MIPEP: variants seen among roughly 807,000 people sequenced by gnomAD.
MIPEP encodes mitochondrial intermediate peptidase.
Under a neutral mutation model 90.3 loss-of-function variants are expected in MIPEP, and 79 were observed. The ratio of observed to expected loss-of-function variants is 0.87; its 90% confidence interval spans 0.73 to 1.05. MIPEP has a LOEUF of 1.05. Ranked by LOEUF, MIPEP falls within the 50% of genes least tolerant of loss-of-function variation. The probability of loss-of-function intolerance (pLI) is 0.00; values close to 1 mark genes in which losing one functional copy is unlikely to be tolerated. For synonymous variants in MIPEP, 334 were observed against 315.8 expected, an observed-to-expected ratio of 1.06 and a Z score of -0.61; for missense variants, 940 against 905.6, an observed-to-expected ratio of 1.04 and a Z score of -0.49.
chr13:23,785,963 A>G (rs529483865), intron 16 of MIPEP, among the ~76,000 whole-genome samples: 6 of 152,348 alleles, frequency 3.9e-5, no homozygotes, highest in Admixed American at 3.9e-4. Flanking sequence ...TCACGTCTGT[A>G]ATCCTAGCAC....
intron 16 of MIPEP, among the ~76,000 whole-genome samples, chr13:23,788,873 C>G (rs7987580): frequency 0.16 from 23,793 of 152,164 alleles, 1,994 homozygotes; most frequent in South Asian, 0.23. Flanking sequence ...ACAAATTTAT[C>G]CTTTTATGAA....
chr13:23,827,140 G>A (rs1566008042), intron 14 of MIPEP, among the ~76,000 whole-genome samples: 1 of 142,544 alleles, frequency 7.0e-6, no homozygotes, highest in Non-Finnish European at 1.5e-5. Context: ...GGGAGTAGTG[G>A]CCCAGGAACC....
At chr13:23,755,234 G>C (rs552252168) in intron 18 of MIPEP, among the ~76,000 whole-genome samples, 1 of 152,246 alleles carries the variant, frequency 6.6e-6, no homozygotes, top group Non-Finnish European at 1.5e-5. Flanking sequence ...CTCCAAAAGA[G>C]CAGGATGTTT....
intron 14 of MIPEP, among the ~76,000 whole-genome samples, chr13:23,822,165 G>A (rs866571300): frequency 6.6e-6 from 1 of 152,156 alleles, no homozygotes; most frequent in Non-Finnish European, 1.5e-5. Context: ...TGGTAGAAAT[G>A]TTGTTTCTAC....
intron 18 of MIPEP, among the ~76,000 whole-genome samples, chr13:23,737,165 G>A (rs954609557): frequency 1.3e-5 from 2 of 152,178 alleles, no homozygotes; most frequent in African/African-American, 2.4e-5. Context: ...AAGCAGTCAC[G>A]ACTGTGCCCA....
At chr13:23,763,304 T>C (rs1952566246) in intron 16 of MIPEP, among the ~76,000 whole-genome samples, 1 of 152,228 alleles carries the variant, frequency 6.6e-6, no homozygotes, top group South Asian at 2.1e-4. Flanking sequence ...GAATACAGCC[T>C]GCTGTTTTAA....
At chr13:23,775,381 T>G (rs1285402294) in intron 16 of MIPEP, among the ~76,000 whole-genome samples, 3 of 152,192 alleles carry the variant, frequency 2.0e-5, no homozygotes, top group Non-Finnish European at 2.9e-5. Context: ...ATGTCAGCTG[T>G]GGGCTTTTTC....
intron 16 of MIPEP, 61 bp from the exon 17 acceptor site, chr13:23,760,278 CAT>C (rs1171726420): frequency 1.2e-6 from 2 of 1,608,560 alleles, no homozygotes; most frequent in East Asian, 4.5e-5. Flanking sequence ...GAGAATATCA[CAT>C]GTGAGAACAC....
intron 16 of MIPEP, chr13:23,760,689 T>G (rs1421210285): frequency 1.1e-5 from 5 of 458,478 alleles, no homozygotes; most frequent in African/African-American, 8.0e-5. Flanking sequence ...TTCTGTTGTT[T>G]AAGCCACATA....
intron 14 of MIPEP, among the ~76,000 whole-genome samples, chr13:23,827,748 A>G (rs1868531989): frequency 6.6e-6 from 1 of 152,190 alleles, no homozygotes; most frequent in Non-Finnish European, 1.5e-5. Context: ...CCTGGCCAAC[A>G]TGGTAAAACC....
chr13:23,749,156 CT>C (rs1204657404), intron 18 of MIPEP, among the ~76,000 whole-genome samples: 2 of 152,104 alleles, frequency 1.3e-5, no homozygotes, highest in South Asian at 2.1e-4. Flanking sequence ...CTGTGTATAC[CT>C]TTTGACAACA....
At chr13:23,814,538 G>C (rs1244475237) in intron 14 of MIPEP, among the ~76,000 whole-genome samples, 1 of 152,158 alleles carries the variant, frequency 6.6e-6, no homozygotes, top group Non-Finnish European at 1.5e-5. Context: ...TGGGATTACA[G>C]GTGTGAGCCA....
intron 14 of MIPEP, among the ~76,000 whole-genome samples, chr13:23,836,038 A>C (rs1869025163): frequency 1.3e-5 from 2 of 152,220 alleles, no homozygotes; most frequent in South Asian, 4.1e-4. Flanking sequence ...GCTATTTTTC[A>C]ACACATGACT....
chr13:23,804,155 A>T (rs1953079562), intron 16 of MIPEP, among the ~76,000 whole-genome samples: 1 of 152,230 alleles, frequency 6.6e-6, no homozygotes. Context: ...GATTACAGAG[A>T]AGAAATCTGG....
At chr13:23,826,534 T>C (rs775468903) in intron 14 of MIPEP, among the ~76,000 whole-genome samples, 4 of 152,176 alleles carry the variant, frequency 2.6e-5, no homozygotes, top group Non-Finnish European at 5.9e-5. Context: ...TTAAAACTTT[T>C]AAACTATAGC....
At chr13:23,804,198 T>C (rs1259437220) in intron 16 of MIPEP, among the ~76,000 whole-genome samples, 1 of 152,172 alleles carries the variant, frequency 6.6e-6, no homozygotes, top group South Asian at 2.1e-4. Flanking sequence ...AAAAGAGACA[T>C]AATTACTTTA....
At chr13:23,777,904 A>G (rs1363735480) in intron 16 of MIPEP, among the ~76,000 whole-genome samples, 1 of 152,240 alleles carries the variant, frequency 6.6e-6, no homozygotes, top group Non-Finnish European at 1.5e-5. Flanking sequence ...CAATCAGGAC[A>G]GAGTGTTCAA....
intron 16 of MIPEP, among the ~76,000 whole-genome samples, chr13:23,803,632 T>C (rs533245285): frequency 6.6e-6 from 1 of 152,312 alleles, no homozygotes; most frequent in Admixed American, 6.5e-5. Flanking sequence ...AGTCTGCCGT[T>C]GGGCTCTTGC....
chr13:23,757,050 T>C (rs1050262772), intron 17 of MIPEP, among the ~76,000 whole-genome samples: 1 of 152,190 alleles, frequency 6.6e-6, no homozygotes, highest in Non-Finnish European at 1.5e-5. Flanking sequence ...ATTATTACAT[T>C]ATACATTGTA....
Sources: allele counts gnomAD v4.1 joint callset (sites outside exome capture counted in the v4.1 genomes callset), GRCh38; gene constraint gnomAD v4.1.1; transcripts MANE v1.5; gene names NCBI Gene and HGNC (gene_info 2026-07-23, HGNC 2026-07-21).